Variants in CRY1 observed in about 807,000 individuals in gnomAD.
The protein encoded by CRY1 is cryptochrome circadian regulator 1.
In CRY1, 45 loss-of-function variants were observed where a neutral mutation model predicts 76.0. The ratio of observed to expected loss-of-function variants is 0.59; its 90% CI spans 0.47 to 0.76. The LOEUF is 0.76. CRY1 is among the 30% of genes least tolerant of loss of function. The pLI, the probability that CRY1 is intolerant of heterozygous loss-of-function variation, is 0.00. For missense variants in CRY1, 587 were observed against 716.4 expected (o/e 0.82, Z 2.06); for synonymous variants, 248 against 244.0 (o/e 1.02, Z -0.15).
intron 3 of CRY1, among the ~76,000 whole-genome samples, chr12:107,003,047 T>C (rs1390211034): frequency 6.6e-6 from 1 of 152,220 alleles, no homozygotes; most frequent in Admixed American, 6.5e-5. Context: ...AATTACCCTA[T>C]TTCCTTCAGC....
intron 1 of CRY1, among the ~76,000 whole-genome samples, chr12:107,026,022 T>A (rs1351492506): frequency 6.8e-6 from 1 of 148,108 alleles, no homozygotes; most frequent in East Asian, 2.0e-4. Context: ...CTTCTACATC[T>A]TCTGAACCTC....
intron 1 of CRY1, among the ~76,000 whole-genome samples, chr12:107,035,898 T>C (rs1397253115): frequency 6.6e-6 from 1 of 152,214 alleles, no homozygotes; most frequent in Non-Finnish European, 1.5e-5. Flanking sequence ...GGGCAAAGAC[T>C]CACCTGGTTG....
At chr12:107,047,969 A>C (rs1003477679) in intron 1 of CRY1, among the ~76,000 whole-genome samples, 11 of 152,236 alleles carry the variant, frequency 7.2e-5, no homozygotes, top group Admixed American at 7.2e-4. Flanking sequence ...AACAAAATGA[A>C]AATTTTTAAA....
intron 1 of CRY1, among the ~76,000 whole-genome samples, chr12:107,037,598 T>C (rs1952749963): frequency 6.6e-6 from 1 of 152,168 alleles, no homozygotes; most frequent in Non-Finnish European, 1.5e-5. Flanking sequence ...GTGTAAATCA[T>C]GGTAGAGACT....
Position 107,001,787 on chromosome 12 carries a change from C to T in CRY1, c.572G>A (p.Gly191Glu). 6.4e-7 allele frequency: 1 copy of T among 1,568,678 alleles called. No homozygotes were observed. The highest frequency in any genetic ancestry group is 8.6e-7 in the Non-Finnish European group (1 of 1,167,976). ...ACCTAGCTCTTCCAGTGAAGGGACT[C>T]CATATTTCTCATCATGGTCATCAGA... ...PLSDDHDEKY[G>E]VPSLEELGFD... The change falls in exon 4 of 13, where the codon GGA becomes GAA. Residue 191 changes from glycine (G) to glutamate (E), a missense_variant. Physicochemically the swap from Gly to Glu is moderately conservative, Grantham distance 98 (BLOSUM62 -2). Transcript: ENST00000008527.
intron 2 of CRY1, among the ~76,000 whole-genome samples, chr12:107,007,656 AGTAGC>A (rs1416823258): frequency 2.0e-5 from 3 of 151,842 alleles, no homozygotes; most frequent in African/African-American, 7.3e-5. Context: ...CAACCTCCCG[AGTAGC>A]TAGGACTACA....
intron 1 of CRY1, among the ~76,000 whole-genome samples, chr12:107,040,835 A>T (rs893076165): frequency 1.3e-5 from 2 of 152,114 alleles, no homozygotes; most frequent in Non-Finnish European, 2.9e-5. Flanking sequence ...CCTTCCATGA[A>T]TCTCAAATAT....
chr12:107,028,260 T>C (rs903346103), intron 1 of CRY1, among the ~76,000 whole-genome samples: 1 of 152,138 alleles, frequency 6.6e-6, no homozygotes, highest in Non-Finnish European at 1.5e-5. Flanking sequence ...TGTGTGTAAA[T>C]TTAATAAAAT....
At chr12:107,086,651 C>A (rs1953405605) in intron 1 of CRY1, among the ~76,000 whole-genome samples, 1 of 152,238 alleles carries the variant, frequency 6.6e-6, no homozygotes, top group Admixed American at 6.5e-5. Context: ...TGGGTGCAAA[C>A]CATAGGCCTT....
intron 10 of CRY1, 94 bp from the exon 11 acceptor site, chr12:106,993,130 T>C: frequency 1.8e-6 from 2 of 1,115,164 alleles, no homozygotes; most frequent in South Asian, 2.8e-5. Context: ...GCGCTTGTAC[T>C]TAAGGTCATT....
At chr12:107,053,461 C>T (rs998930793) in intron 1 of CRY1, among the ~76,000 whole-genome samples, 1 of 152,124 alleles carries the variant, frequency 6.6e-6, no homozygotes, top group African/African-American at 2.4e-5. Context: ...GGATTACAGG[C>T]ATGTGCCACC....
At chr12:107,033,837 C>G (rs1339295710) in intron 1 of CRY1, among the ~76,000 whole-genome samples, 1 of 148,856 alleles carries the variant, frequency 6.7e-6, no homozygotes, top group African/African-American at 2.5e-5. Context: ...GATGCCTACT[C>G]CCACCGCTTC....
intron 1 of CRY1, chr12:107,072,825 T>C (rs1052561405): frequency 6.6e-6 from 1 of 152,246 alleles, no homozygotes; most frequent in Non-Finnish European, 1.5e-5. Flanking sequence ...ATTTGAATTC[T>C]TTACTATGAT....
At chr12:107,042,326 A>G (rs965442182) in intron 1 of CRY1, among the ~76,000 whole-genome samples, 1 of 152,192 alleles carries the variant, frequency 6.6e-6, no homozygotes, top group Non-Finnish European at 1.5e-5. Context: ...CAAAGTCTGA[A>G]AGTATCTCTC....
intron 2 of CRY1, among the ~76,000 whole-genome samples, chr12:107,017,253 T>A (rs1246616180): frequency 6.6e-6 from 1 of 152,272 alleles, no homozygotes; most frequent in Non-Finnish European, 1.5e-5. Context: ...CTCACTGTGC[T>A]CTAGCACACT....
At chr12:107,009,015 G>A (rs913711695) in intron 2 of CRY1, among the ~76,000 whole-genome samples, 2 of 152,156 alleles carry the variant, frequency 1.3e-5, no homozygotes, top group Non-Finnish European at 1.5e-5. Context: ...TTTATTTGCA[G>A]TGTGAGAACA....
intron 5 of CRY1, 66 bp downstream of exon 5, chr12:107,001,214 G>A (rs1952305538): frequency 8.2e-7 from 1 of 1,215,890 alleles, no homozygotes; most frequent in South Asian, 1.3e-5. Context: ...TTAAAAGAGA[G>A]AAAAATTATT....
At chr12:107,010,276 G>A (rs1033975110) in intron 2 of CRY1, among the ~76,000 whole-genome samples, 5 of 151,834 alleles carry the variant, frequency 3.3e-5, no homozygotes, top group East Asian at 3.9e-4. Context: ...TTTTTTGTCC[G>A]AATCAGTATT....
intron 1 of CRY1, among the ~76,000 whole-genome samples, chr12:107,071,803 T>C (rs1431280308): frequency 1.3e-5 from 2 of 152,206 alleles, no homozygotes; most frequent in Non-Finnish European, 2.9e-5. Context: ...TAGCAATACA[T>C]GTGAGAATGG....
Sources: allele counts gnomAD v4.1 joint callset (sites outside exome capture counted in the v4.1 genomes callset), GRCh38; gene constraint gnomAD v4.1.1; transcripts MANE v1.5; gene names NCBI Gene and HGNC (gene_info 2026-07-23, HGNC 2026-07-21).